FOXJ3: variants seen among roughly 807,000 people sequenced by gnomAD.
FOXJ3 encodes forkhead box J3.
Under a neutral mutation model 76.1 loss-of-function variants are expected in FOXJ3, and 22 were observed. The observed-to-expected ratio is 0.29, with a 90% CI of 0.21 to 0.41. The LOEUF (loss-of-function observed/expected upper bound fraction) is 0.41. FOXJ3 is among the 10% of genes least tolerant of loss of function. The probability of loss-of-function intolerance (pLI) is 1.00; values close to 1 mark genes in which losing one functional copy is unlikely to be tolerated. For missense variants in FOXJ3, 613 were observed against 762.1 expected, an observed-to-expected ratio of 0.80 and a Z score of 2.30; for synonymous variants, 269 against 261.2, an observed-to-expected ratio of 1.03 and a Z score of -0.29.
Position 42,254,040 on chromosome 1 carries a change from G to A in FOXJ3, c.444+11075C>T, listed in dbSNP as rs979387214. Among the ~76,000 whole-genome samples, 255 of 151,314 alleles carry A rather than the reference G, an allele frequency of 1.7e-3. 2 individuals carry two copies. The highest frequency in any genetic ancestry group is 1.3e-3 in the Non-Finnish European group (91 of 67,836). On this transcript the variant is annotated intron_variant, in intron 4 of 12. Transcript: ENST00000361346. ...AGTGAACAGGCAACCTACAAAATGGGAGAAAATTTTCACAACCTACTCATC... is the reference window on the plus strand; with the variant it reads ...AGTGAACAGGCAACCTACAAAATGGAAGAAAATTTTCACAACCTACTCATC...
intron 4 of FOXJ3, among the ~76,000 whole-genome samples, chr1:42,263,231 AAG>A (rs939068158): frequency 4.1e-4 from 63 of 152,358 alleles, no homozygotes; most frequent in African/African-American, 1.5e-3. Flanking sequence ...ACACATTTTT[AAG>A]AGTCTCCAAT....
chr1:42,211,052 A>C (rs976033674), intron 5 of FOXJ3, among the ~76,000 whole-genome samples: 1 of 152,186 alleles, frequency 6.6e-6, no homozygotes, highest in Admixed American at 6.5e-5. Flanking sequence ...TCAGAGAAAC[A>C]TGTGCAGTGC....
intron 4 of FOXJ3, among the ~76,000 whole-genome samples, chr1:42,245,125 A>C (rs975822570): frequency 2.0e-4 from 30 of 148,896 alleles, no homozygotes; most frequent in Non-Finnish European, 4.4e-4. Context: ...GGTTGCAGTG[A>C]GCCAAGATTG....
At chr1:42,198,941 C>CT (rs1646705889) in intron 7 of FOXJ3, among the ~76,000 whole-genome samples, 161 bp downstream of exon 7, 1 of 152,174 alleles carries the variant, frequency 6.6e-6, no homozygotes, top group South Asian at 2.1e-4. Context: ...AAAACACTAA[C>CT]AAGCTACAAT....
intron 2 of FOXJ3, among the ~76,000 whole-genome samples, chr1:42,295,112 G>C (rs1653697604): frequency 6.6e-6 from 1 of 151,912 alleles, no homozygotes; most frequent in African/African-American, 2.4e-5. Flanking sequence ...TTGTTACATG[G>C]GTATATTGCA....
chr1:42,242,284 C>A (rs1382457029), intron 4 of FOXJ3, among the ~76,000 whole-genome samples: 1 of 150,704 alleles, frequency 6.6e-6, no homozygotes, highest in African/African-American at 2.4e-5. Context: ...TTATTAAATA[C>A]CAGAAAAGAA....
intron 5 of FOXJ3, among the ~76,000 whole-genome samples, chr1:42,226,317 A>G (rs1280621126): frequency 6.6e-6 from 1 of 152,158 alleles, no homozygotes; most frequent in Non-Finnish European, 1.5e-5. Flanking sequence ...CTCTTGTAAA[A>G]TTGTCTAGCT....
At chr1:42,190,242 T>C (rs934768078) in intron 9 of FOXJ3, among the ~76,000 whole-genome samples, 1 of 152,114 alleles carries the variant, frequency 6.6e-6, no homozygotes, top group Non-Finnish European at 1.5e-5. Flanking sequence ...GTCAAGCCAC[T>C]GTTTCTAGGA....
chr1:42,207,459 ACTC>A (rs972155409), intron 5 of FOXJ3, among the ~76,000 whole-genome samples: 19 of 152,276 alleles, frequency 1.2e-4, no homozygotes, highest in African/African-American at 4.1e-4. Flanking sequence ...CATTGTGATA[ACTC>A]CTCTCTCTAA....
intron 4 of FOXJ3, among the ~76,000 whole-genome samples, chr1:42,245,009 G>A (rs1256379): frequency 7.9e-5 from 12 of 151,966 alleles, no homozygotes; most frequent in Admixed American, 1.3e-4. Context: ...GTGAAACCCC[G>A]TCTCTACTAA....
chr1:42,236,086 G>T (rs1028375019), intron 4 of FOXJ3, among the ~76,000 whole-genome samples: 1 of 151,680 alleles, frequency 6.6e-6, no homozygotes. Context: ...ACGAACACAG[G>T]ATCAGTCCAA....
At chr1:42,324,148 A>G (rs1272170) in intron 1 of FOXJ3, among the ~76,000 whole-genome samples, 4,118 of 13,368 alleles carry the variant, frequency 0.31, 241 homozygotes, top group South Asian at 0.33. Context: ...TATATATACT[A>G]TATATACACT....
In FOXJ3 at chr1:42,191,338, G is replaced by A. The variant is rs763821178; in HGVS notation, c.1316C>T (p.Ala439Val). The A allele has an allele frequency of 2.6e-6, 4 of 1,559,780 alleles. No homozygotes were observed. The highest frequency in any genetic ancestry group is 1.4e-5 in the African/African-American group (1 of 73,934). Reference protein sequence around the residue: ...NHQHQTLTHQAPPPPQQVSCN... With the variant: ...NHQHQTLTHQVPPPPQQVSCN... Reference sequence around the variant, plus strand: ...GGATACCTGTTGTGGGGGTGGGGGTGCCTGATGTGTTAACGTCTGATGCTG... The same window carrying A: ...GGATACCTGTTGTGGGGGTGGGGGTACCTGATGTGTTAACGTCTGATGCTG... Residue 439 changes from alanine to valine, a missense_variant, in exon 9 of 13, where the codon GCA becomes GTA. By Grantham distance (64) the Ala-to-Val change is moderately conservative. Transcript: ENST00000361346.
intron 1 of FOXJ3, chr1:42,315,331 G>T: frequency 1.6e-6 from 1 of 635,576 alleles, no homozygotes; most frequent in Non-Finnish European, 2.0e-6. Context: ...GAACTTCACA[G>T]TATGTGATTT....
chr1:42,299,497 A>AGT (rs1375303869), intron 2 of FOXJ3, among the ~76,000 whole-genome samples: 1 of 146,238 alleles, frequency 6.8e-6, no homozygotes, highest in Admixed American at 6.9e-5. Flanking sequence ...GTCTTTAACC[A>AGT]GTGTGTGTGG....
At chr1:42,185,182 T>C (rs1253231980) in intron 11 of FOXJ3, among the ~76,000 whole-genome samples, 6 of 151,902 alleles carry the variant, frequency 3.9e-5, no homozygotes, top group African/African-American at 1.5e-4. Flanking sequence ...CCAAGAGAAG[T>C]ATGCACCCCT....
chr1:42,333,187 T>C (rs1656261156), intron 1 of FOXJ3, among the ~76,000 whole-genome samples: 1 of 152,054 alleles, frequency 6.6e-6, no homozygotes, highest in Non-Finnish European at 1.5e-5. Context: ...CTAAAATCTA[T>C]ATTTAAATAT....
intron 5 of FOXJ3, among the ~76,000 whole-genome samples, chr1:42,211,368 T>C (rs547985144): frequency 1.3e-5 from 2 of 152,240 alleles, no homozygotes; most frequent in South Asian, 2.1e-4. Context: ...GCCTGTCTCA[T>C]CTGAATAGCT....
chr1:42,206,522 C>G (rs945154678), intron 5 of FOXJ3, among the ~76,000 whole-genome samples: 1 of 152,146 alleles, frequency 6.6e-6, no homozygotes, highest in African/African-American at 2.4e-5. Flanking sequence ...CTCTGACCCA[C>G]CCATGAGTTT....
Sources: gnomAD v4.1 joint callset for allele counts (sites outside exome capture counted in the v4.1 genomes callset) on GRCh38, gnomAD v4.1.1 for gene constraint, MANE v1.5 for transcripts, NCBI Gene and HGNC (gene_info 2026-07-23, HGNC 2026-07-21) for gene names.